Variants in TSNARE1 observed in about 807,000 individuals in gnomAD.
TSNARE1 encodes t-SNARE domain containing 1, also known as t-SNARE domain-containing protein 1.
In TSNARE1, 49 loss-of-function variants were observed where a neutral mutation model predicts 62.0. The observed-to-expected ratio is 0.79, with a 90% CI of 0.63 to 1.00. TSNARE1 has a LOEUF of 1.00. Ranked by LOEUF, TSNARE1 falls within the 50% of genes least tolerant of loss-of-function variation. The probability of loss-of-function intolerance (pLI) is 0.00; values close to 1 mark genes in which losing one functional copy is unlikely to be tolerated. For synonymous variants in TSNARE1, 328 were observed against 294.4 expected, an observed-to-expected ratio of 1.11 and a Z score of -1.17; for missense variants, 755 against 700.1, an observed-to-expected ratio of 1.08 and a Z score of -0.88.
At chr8:142,270,760 C>T (rs1477003887) in intron 12 of TSNARE1, 22 of 985,384 alleles carry the variant, frequency 2.2e-5, no homozygotes, top group Non-Finnish European at 2.7e-5. Context: ...CTTCCAGGGA[C>T]GCTGGGCTGC....
At chr8:142,364,719 CA>C (rs1446000824) in intron 1 of TSNARE1, among the ~76,000 whole-genome samples, 6 of 152,140 alleles carry the variant, frequency 3.9e-5, no homozygotes, top group African/African-American at 1.4e-4. Context: ...ACACAAGAAC[CA>C]GCTTGAAAAG....
chr8:142,333,294 C>T (rs1448677182), intron 4 of TSNARE1, among the ~76,000 whole-genome samples: 1 of 152,202 alleles, frequency 6.6e-6, no homozygotes, highest in African/African-American at 2.4e-5. Flanking sequence ...CGCTCCGAAA[C>T]GCATGCAGGT....
At position 142,344,384 on chromosome 8, in the gene TSNARE1, G is replaced by A. The variant is rs1456411154; in HGVS notation, c.327C>T (p.Pro109=). 2 of 1,577,352 alleles carry A rather than the reference G, an allele frequency of 1.3e-6. No homozygotes were observed. Among genetic ancestry groups the A allele is most frequent in the South Asian group, 1.2e-5 (1 of 86,056 alleles). ...IGPRKDSAAG[P]HGRMAGPSTT... ...TGCTGGGCCCCGCCATCCGGCCATGGGGCCCAGCAGCCGAGTCCTTCCTCG... is the reference window on the plus strand; with the variant it reads ...TGCTGGGCCCCGCCATCCGGCCATGAGGCCCAGCAGCCGAGTCCTTCCTCG... Residue 109 remains proline (P), a synonymous_variant, in exon 4 of 14, where the codon CCC becomes CCT. Transcript: ENST00000524325.
At chr8:142,324,486 G>C (rs572520324) in intron 6 of TSNARE1, among the ~76,000 whole-genome samples, 2 of 152,316 alleles carry the variant, frequency 1.3e-5, no homozygotes, top group South Asian at 4.1e-4. Context: ...AGGCCCATTT[G>C]CCCTAGCGCC....
intron 12 of TSNARE1, among the ~76,000 whole-genome samples, chr8:142,232,581 G>A (rs552289773): frequency 9.2e-5 from 14 of 152,360 alleles, no homozygotes; most frequent in Admixed American, 6.5e-4. Context: ...AGAGGAGCCC[G>A]AGGGAGCACC....
intron 13 of TSNARE1, among the ~76,000 whole-genome samples, chr8:142,224,714 C>G (rs1816689805): frequency 8.5e-6 from 1 of 117,110 alleles, no homozygotes; most frequent in Non-Finnish European, 1.8e-5. Flanking sequence ...CTGTCAGAGC[C>G]AGGGAGGGGT....
chr8:142,388,309 T>C (rs745559827), intron 1 of TSNARE1, among the ~76,000 whole-genome samples: 2 of 152,110 alleles, frequency 1.3e-5, no homozygotes, highest in Admixed American at 1.3e-4. Flanking sequence ...CTCTGCTTTA[T>C]GGAGTTAACA....
rs78735317 is a variant in TSNARE1 at position 142,378,943 on chromosome 8, G to A, written c.-40+24161C>T. On this transcript the variant is annotated intron_variant, in intron 1 of 13. Transcript: ENST00000524325. ...CCCTTCAACACCCAGGGCTGGCCCA[G>A]GCAGACACCCTTCCCACCAGCAGGC... Among the ~76,000 whole-genome samples, 1,178 of 152,312 alleles carry A rather than the reference G, an allele frequency of 7.7e-3. 25 individuals carry two copies. Among genetic ancestry groups the A allele is most frequent in the South Asian group, 0.073 (354 of 4,820 alleles).
At chr8:142,295,461 T>C (rs750693472) in intron 10 of TSNARE1, among the ~76,000 whole-genome samples, 13 of 152,306 alleles carry the variant, frequency 8.5e-5, no homozygotes, top group East Asian at 1.9e-4. Flanking sequence ...CCCCTGTGTA[T>C]GCAGCTGGAG....
intron 9 of TSNARE1, among the ~76,000 whole-genome samples, chr8:142,302,361 C>T (rs575097691): frequency 6.6e-6 from 1 of 152,292 alleles, no homozygotes; most frequent in African/African-American, 2.4e-5. Flanking sequence ...GGTGTCACCA[C>T]GTCTGGACAG....
At chr8:142,347,082 TG>T (rs954491891) in intron 2 of TSNARE1, among the ~76,000 whole-genome samples, 2 of 152,148 alleles carry the variant, frequency 1.3e-5, no homozygotes, top group African/African-American at 4.8e-5. Flanking sequence ...TGCTCTGGAC[TG>T]GGGCACGCTC....
At chr8:142,351,464 C>A (rs7827142) in intron 2 of TSNARE1, among the ~76,000 whole-genome samples, 47,553 of 151,924 alleles carry the variant, frequency 0.31, 9,698 homozygotes, top group African/African-American at 0.58. Flanking sequence ...GACTTCATTG[C>A]AAGACATTAA....
chr8:142,272,658 C>G, intron 12 of TSNARE1: 1 of 891,416 alleles, frequency 1.1e-6, no homozygotes. Context: ...AGGCCCCTCG[C>G]AAGCGGGAGC....
chr8:142,253,741 T>C (rs1432079527), intron 12 of TSNARE1, among the ~76,000 whole-genome samples: 3 of 152,212 alleles, frequency 2.0e-5, no homozygotes, highest in Admixed American at 2.0e-4. Context: ...GTGGCAATGG[T>C]GACCCCTCCC....
intron 1 of TSNARE1, among the ~76,000 whole-genome samples, chr8:142,394,656 T>C (rs1837775637): frequency 6.6e-6 from 1 of 152,116 alleles, no homozygotes; most frequent in South Asian, 2.1e-4. Context: ...TGCTTCATGG[T>C]CTTGGGAAAC....
chr8:142,305,137 C>T (rs748923640), intron 9 of TSNARE1, among the ~76,000 whole-genome samples: 2 of 152,150 alleles, frequency 1.3e-5, no homozygotes, highest in East Asian at 1.9e-4. Context: ...GCAGCTAATG[C>T]GGGCGAGTGA....
intron 9 of TSNARE1, among the ~76,000 whole-genome samples, chr8:142,307,725 A>G (rs1238281598): frequency 2.6e-5 from 4 of 152,224 alleles, no homozygotes; most frequent in East Asian, 1.9e-4. Context: ...CGAAGGGCCA[A>G]CTGAATATGC....
At chr8:142,397,422 G>A (rs954392246) in intron 1 of TSNARE1, among the ~76,000 whole-genome samples, 20 of 152,208 alleles carry the variant, frequency 1.3e-4, no homozygotes, top group African/African-American at 4.8e-4. Context: ...CACCTCCCAG[G>A]AGGCTGCAGG....
chr8:142,358,360 G>A (rs890188756), intron 1 of TSNARE1, among the ~76,000 whole-genome samples: 5 of 152,172 alleles, frequency 3.3e-5, no homozygotes, highest in Non-Finnish European at 5.9e-5. Context: ...GGAAGCTTGA[G>A]GAGGGCTCAT....
Sources: gnomAD v4.1 joint callset for allele counts (sites outside exome capture counted in the v4.1 genomes callset) on GRCh38, gnomAD v4.1.1 for gene constraint, MANE v1.5 for transcripts, NCBI Gene and HGNC (gene_info 2026-07-23, HGNC 2026-07-21) for gene names.